HSPG2: variants seen among roughly 807,000 people sequenced by gnomAD.
HSPG2 encodes the protein basement membrane-specific heparan sulfate proteoglycan core protein.
Under a neutral mutation model 526.6 loss-of-function variants are expected in HSPG2, and 278 were observed. The observed-to-expected ratio is 0.53, with a 90% CI of 0.48 to 0.58. The LOEUF is 0.58. Ranked by LOEUF, HSPG2 falls within the 20% of genes least tolerant of loss-of-function variation. HSPG2 has a pLI of 0.00. For synonymous variants in HSPG2, 2,465 were observed against 2,555.4 expected (o/e 0.96, Z 1.07); for missense variants, 5,354 against 6,099.5 (o/e 0.88, Z 4.07).
At position 21,835,556 on chromosome 1, in the gene HSPG2, G is replaced by A. The variant is rs2098023125; in HGVS notation, c.10437C>T (p.Ala3479=). The A allele has an allele frequency of 6.2e-7, 1 of 1,613,396 alleles. No homozygotes were observed. Among genetic ancestry groups the A allele is most frequent in the African/African-American group, 1.3e-5 (1 of 75,044 alleles). The change falls in exon 76 of 97, where the codon GCC becomes GCT. Residue 3479 remains alanine (A), a synonymous_variant. Transcript: ENST00000374695. ...CCCTCCTACCTTGGATAACCAGCTG[G>A]GCACTGGCCTGGGCCTTCCCCCAAG... ...HGPWGKAQAS[A]QLVIQALPSV... is the part of the protein sequence containing the mutation.
chr1:21,823,772 G>T, intron 95 of HSPG2, 53 bp from the exon 96 acceptor site: 2 of 1,398,586 alleles, frequency 1.4e-6, no homozygotes, highest in East Asian at 2.3e-5. Context: ...GTCCTCCCCG[G>T]CCCCACGACA....
At chr1:21,905,165 ACC>A (rs1643304395) in intron 1 of HSPG2, among the ~76,000 whole-genome samples, 6 of 92,734 alleles carry the variant, frequency 6.5e-5, no homozygotes, top group African/African-American at 2.6e-4. Context: ...CACACCCACC[ACC>A]CACCCACACA....
At position 21,838,982 on chromosome 1, in the gene HSPG2, C is replaced by A. The variant is rs1216157087; in HGVS notation, c.9993G>T (p.Gln3331His). ...GAAGGCTGCTGCCCACGCGGCTCCACTGGAAGGTGAGTGGGGGTGTCCCGT... is the reference window on the plus strand; with the variant it reads ...GAAGGCTGCTGCCCACGCGGCTCCAATGGAAGGTGAGTGGGGGTGTCCCGT... ...LAHGTPPLTF[Q>H]WSRVGSSLPG... Residue 3331 changes from glutamine to histidine, a missense_variant, in exon 74 of 97, where the codon CAG becomes CAT. By Grantham distance (24) the Gln-to-His change is conservative. Coordinates refer to ENST00000374695, the MANE Select transcript of HSPG2 (RefSeq NM_005529.7). 1 of 1,612,574 alleles carries A rather than the reference C, an allele frequency of 6.2e-7. No individual in the cohort carries two copies. The highest frequency in any genetic ancestry group is 8.5e-7 in the Non-Finnish European group (1 of 1,179,012).
chr1:21,884,488 C>T (rs761289637), intron 13 of HSPG2, 40 bp downstream of exon 13: 1 of 1,610,410 alleles, frequency 6.2e-7, no homozygotes, highest in Non-Finnish European at 8.5e-7. Flanking sequence ...GAGGTACCCA[C>T]CTCCCACCTC....
Position 21,887,407 on chromosome 1 carries a change from T to A in HSPG2, c.958+13A>T, listed in dbSNP as rs1485375331. ...TGCTCCCCGCACCCACCTGCACCCC[T>A]GCCGGTGCGCACCACAGTCTAGCTC... On this transcript the variant is annotated intron_variant, in intron 8 of 96. Transcript: ENST00000374695. This position sits in a 1 kb window ranked among gnomAD's most constrained non-coding sequence, Gnocchi z 5.0. 8 of 1,613,964 alleles carry A rather than the reference T, an allele frequency of 5.0e-6. No homozygotes were observed. The highest frequency in any genetic ancestry group is 1.1e-5 in the South Asian group (1 of 91,072).
chr1:21,824,302 C>T lies in HSPG2; in HGVS notation c.12815+4G>A, dbSNP rs117182812. 9,753 of 1,613,894 alleles carry T rather than the reference C, an allele frequency of 6.0e-3. 209 individuals carry two copies. The East Asian group carries it at 0.082, about 14-fold the overall frequency. Reference sequence around the variant, plus strand: ...GAGAGGAAGGGCCAGGTGCCAGGACCTACCTGAAGACAAGGTGCCCGTCTT... The same window carrying T: ...GAGAGGAAGGGCCAGGTGCCAGGACTTACCTGAAGACAAGGTGCCCGTCTT... On this transcript the variant is annotated splice_donor_region_variant and intron_variant, in intron 94 of 96. Transcript: ENST00000374695. The surrounding 1 kb of genome is among the most constrained non-coding windows in gnomAD (Gnocchi z 5.9).
intron 1 of HSPG2, among the ~76,000 whole-genome samples, chr1:21,901,392 T>C (rs779278990): frequency 1.3e-5 from 2 of 152,002 alleles, no homozygotes; most frequent in Admixed American, 1.3e-4. Context: ...GGGTGATGCA[T>C]GCGGAGTGTG....
At chr1:21,835,352 C>T in intron 76 of HSPG2, 188 bp downstream of exon 76, 1 of 633,756 alleles carries the variant, frequency 1.6e-6, no homozygotes, top group Non-Finnish European at 2.8e-6. Flanking sequence ...ATCCTTCTTC[C>T]CTCCCTTGAA....
chr1:21,834,016 C>T, intron 77 of HSPG2, 91 bp from the exon 78 acceptor site: 1 of 858,280 alleles, frequency 1.2e-6, no homozygotes, highest in East Asian at 2.6e-5. Flanking sequence ...CTTCACACCA[C>T]CCCTTGAAGG....
rs1435982963 is a variant in HSPG2 at position 21,847,291 on chromosome 1, A to G, written c.8164+63T>C. On this transcript the variant is annotated intron_variant, in intron 62 of 96. Coordinates refer to ENST00000374695, the MANE Select transcript of HSPG2 (RefSeq NM_005529.7). The surrounding 1 kb of genome is among the most constrained non-coding windows in gnomAD (Gnocchi z 4.1). Reference sequence around the variant, plus strand: ...CCAGGTCTGAGGACTCTGACCTGAAAGTTCCTTCTCCCCAGGGAACACTGT... The same window carrying G: ...CCAGGTCTGAGGACTCTGACCTGAAGGTTCCTTCTCCCCAGGGAACACTGT... 1 of 1,599,798 alleles carries G rather than the reference A, an allele frequency of 6.3e-7. No homozygotes were observed. Among genetic ancestry groups the G allele is most frequent in the African/African-American group, 1.3e-5 (1 of 74,668 alleles).
Position 21,839,365 on chromosome 1 carries a change from C to A in HSPG2, c.9889+6G>T. Reference sequence around the variant, plus strand: ...TGGTGCAGACAAAGAAGGGATGAGGCCTTACTCTCCACGTGCAGGATGATG... The same window carrying A: ...TGGTGCAGACAAAGAAGGGATGAGGACTTACTCTCCACGTGCAGGATGATG... On this transcript the variant is annotated splice_donor_region_variant and intron_variant, in intron 73 of 96. Transcript: ENST00000374695. The surrounding 1 kb of genome is among the most constrained non-coding windows in gnomAD (Gnocchi z 4.5). 1 of 1,610,874 alleles carries A rather than the reference C, an allele frequency of 6.2e-7. No homozygotes were observed. The highest frequency in any genetic ancestry group is 1.1e-5 in the South Asian group (1 of 91,068).
chr1:21,919,013 G>A (rs1014302035), intron 1 of HSPG2, among the ~76,000 whole-genome samples: 1 of 152,226 alleles, frequency 6.6e-6, no homozygotes, highest in Non-Finnish European at 1.5e-5. Flanking sequence ...TGTCAGTAGA[G>A]AACCGCTTTC....
At chr1:21,902,955 G>T (rs1202594212) in intron 1 of HSPG2, among the ~76,000 whole-genome samples, 40 of 152,206 alleles carry the variant, frequency 2.6e-4, no homozygotes, top group Non-Finnish European at 4.4e-5. Flanking sequence ...CAGTGACTTT[G>T]ATCTGTTTTG....
chr1:21,872,357 A>G lies in HSPG2; in HGVS notation c.4050T>C (p.Pro1350=). 6.3e-7 allele frequency: 1 copy of G among 1,576,078 alleles called. No individual in the cohort carries two copies. The highest frequency in any genetic ancestry group is 8.6e-7 in the Non-Finnish European group (1 of 1,159,566). Residue 1350 remains proline (P), a synonymous_variant, in exon 33 of 97, where the codon CCT becomes CCC. Coordinates refer to ENST00000374695, the MANE Select transcript of HSPG2 (RefSeq NM_005529.7). This position sits in a 1 kb window ranked among gnomAD's most constrained non-coding sequence, Gnocchi z 5.5. ...CCAGGGCAAAGCCTTGGAAGTCCCC[A>G]GGGGCAAAGTGGGTGGAGATCTGGC... is the stretch of plus-strand genomic sequence containing the variant. ...TRHLISTHFA[P]GDFQGFALVN... is the part of the protein sequence containing the mutation.
intron 49 of HSPG2, 48 bp downstream of exon 49, chr1:21,854,563 C>T (rs1293755010): frequency 3.3e-6 from 5 of 1,526,940 alleles, no homozygotes; most frequent in Admixed American, 2.0e-5. Flanking sequence ...GCCTCCGCCA[C>T]AGCCCCTGCA....
chr1:21,855,174 A>T, intron 47 of HSPG2, 130 bp downstream of exon 47: 1 of 1,382,582 alleles, frequency 7.2e-7, no homozygotes, highest in South Asian at 1.3e-5. Context: ...GGGGCAGGAG[A>T]CCACCATCTT....
intron 1 of HSPG2, among the ~76,000 whole-genome samples, chr1:21,917,437 GTAAATAAA>G (rs71569857): frequency 0.025 from 3,474 of 141,282 alleles, 57 homozygotes; most frequent in South Asian, 0.047. Flanking sequence ...TGTCTCAAAA[GTAAATAAA>G]TAAATAAATA....
intron 87 of HSPG2, 61 bp downstream of exon 87, chr1:21,829,322 A>C: frequency 6.4e-7 from 1 of 1,557,966 alleles, no homozygotes; most frequent in Non-Finnish European, 8.8e-7. Context: ...TGGGGCTTGA[A>C]GAGCCGAGGG....
rs1389507034 is a variant in HSPG2 at position 21,865,949 on chromosome 1, G to T, written c.4222-140C>A. The T allele has an allele frequency of 4.3e-6, 3 of 698,348 alleles. No individual in the cohort carries two copies. Among genetic ancestry groups the T allele is most frequent in the Non-Finnish European group, 7.8e-6 (3 of 385,414 alleles). The allele number at this position is 698,348 out of a possible 1,614,324, so 43.3% of individuals were successfully genotyped here. ...ACCCCCCTCCCTGCCCAAACCAAGA[G>T]GCCAGGGTGCATGGTTGCCTGGGAA... On this transcript the variant is annotated intron_variant, in intron 33 of 96. Coordinates refer to ENST00000374695, the MANE Select transcript of HSPG2 (RefSeq NM_005529.7). This position sits in a 1 kb window ranked among gnomAD's most constrained non-coding sequence, Gnocchi z 5.4.
Sources: gnomAD v4.1 joint callset for allele counts (sites outside exome capture counted in the v4.1 genomes callset) on GRCh38, gnomAD v4.1.1 for gene constraint, Gnocchi (gnomAD v3.1) non-coding constraint, MANE v1.5 for transcripts, NCBI Gene and HGNC (gene_info 2026-07-23, HGNC 2026-07-21) for gene names.